BANP: variants seen among roughly 807,000 people sequenced by gnomAD.
BANP encodes the protein protein BANP.
Under a neutral mutation model 68.1 loss-of-function variants are expected in BANP, and 11 were observed. The observed-to-expected ratio is 0.16, with a 90% CI of 0.10 to 0.27. The LOEUF is 0.27. Ranked by LOEUF, BANP falls within the 10% of genes least tolerant of loss-of-function variation. The probability of loss-of-function intolerance (pLI) is 1.00; values close to 1 mark genes in which losing one functional copy is unlikely to be tolerated. For synonymous variants in BANP, 329 were observed against 303.2 expected, an observed-to-expected ratio of 1.09 and a Z score of -0.88; for missense variants, 504 against 722.7, an observed-to-expected ratio of 0.70 and a Z score of 3.47.
intron 6 of BANP, among the ~76,000 whole-genome samples, chr16:88,008,150 G>C (rs2071816964): frequency 6.6e-6 from 1 of 152,206 alleles, no homozygotes; most frequent in African/African-American, 2.4e-5. Context: ...CTTTTGCCCA[G>C]TGCTTTGTTC....
Position 88,064,824 on chromosome 16 carries a change from C to T in BANP, c.1312-443C>T, listed in dbSNP as rs1479846267. Among the ~76,000 whole-genome samples the T allele has an allele frequency of 6.6e-6, 1 of 152,220 alleles. No individual in the cohort carries two copies. Among genetic ancestry groups the T allele is most frequent in the Non-Finnish European group, 1.5e-5 (1 of 68,032 alleles). ...GGAGACAGCCAGGACCCCTCAGCTT[C>T]TGAGGGCCGTGGCCTTCAGGCTGTC... On this transcript the variant is annotated intron_variant, in intron 11 of 13. Coordinates refer to ENST00000682872, the MANE Select transcript of BANP (RefSeq NM_001386991.1). This position sits in a 1 kb window ranked among gnomAD's most constrained non-coding sequence, Gnocchi z 4.5.
chr16:88,045,515 C>G (rs1017115203), intron 11 of BANP, among the ~76,000 whole-genome samples: 16 of 152,354 alleles, frequency 1.1e-4, no homozygotes, highest in African/African-American at 3.8e-4. Context: ...CCTTTCTTCC[C>G]TGTGCAGCAC....
chr16:88,004,034 G>A lies in BANP; in HGVS notation c.363-261G>A, dbSNP rs2070217677. 2.3e-6 allele frequency: 1 copy of A among 427,564 alleles called. No homozygotes were observed. The highest frequency in any genetic ancestry group is 4.3e-6 in the Non-Finnish European group (1 of 229,948). The allele number at this position is 427,564 out of a possible 1,614,324, so 26.5% of individuals were successfully genotyped here. Reference sequence around the variant, plus strand: ...CAGCCCAGCTGTCCTGTGCTATCCAGTTGTGCAGACAGATCACCAACAATT... The same window carrying A: ...CAGCCCAGCTGTCCTGTGCTATCCAATTGTGCAGACAGATCACCAACAATT... On this transcript the variant is annotated intron_variant, in intron 4 of 13. Coordinates refer to ENST00000682872, the MANE Select transcript of BANP (RefSeq NM_001386991.1). This position sits in a 1 kb window ranked among gnomAD's most constrained non-coding sequence, Gnocchi z 7.0.
At position 87,984,140 on chromosome 16, in the gene BANP, T is replaced by G; in HGVS notation, c.243T>G (p.Thr81=). 1 of 1,611,882 alleles carries G rather than the reference T, an allele frequency of 6.2e-7. No individual in the cohort carries two copies. The highest frequency in any genetic ancestry group is 8.5e-7 in the Non-Finnish European group (1 of 1,178,750). Residue 81 remains threonine, a synonymous_variant, in exon 4 of 14, where the codon ACT becomes ACG. Transcript: ENST00000682872. ...CCAAATTGCAAGCCCTGGAGGCTAC[T>G]TGTAAATCCTTAGAAGAAAAGCTGG... ...IEAKLQALEA[T]CKSLEEKLDL... is the part of the protein sequence containing the mutation.
chr16:88,011,303 A>G (rs1254754667), intron 6 of BANP, among the ~76,000 whole-genome samples: 2 of 151,556 alleles, frequency 1.3e-5, no homozygotes, highest in African/African-American at 4.8e-5. Context: ...CCCCACCCTG[A>G]AAGACGCCCT....
intron 10 of BANP, among the ~76,000 whole-genome samples, chr16:88,035,814 C>T (rs1316094185): frequency 1.3e-5 from 2 of 152,226 alleles, no homozygotes; most frequent in African/African-American, 2.4e-5. Flanking sequence ...GTGGCCTCTA[C>T]GGGATTAGTG....
intron 8 of BANP, among the ~76,000 whole-genome samples, chr16:88,028,784 A>G (rs937486331): frequency 2.0e-5 from 3 of 152,222 alleles, no homozygotes; most frequent in Non-Finnish European, 4.4e-5. Context: ...GAATATTCAT[A>G]GCTAGGCAGC....
intron 11 of BANP, among the ~76,000 whole-genome samples, chr16:88,058,361 G>C (rs553287834): frequency 6.6e-6 from 1 of 152,208 alleles, no homozygotes; most frequent in Non-Finnish European, 1.5e-5. Flanking sequence ...GATGTCAGGC[G>C]CCTTCGTCGA....
chr16:88,011,739 C>G (rs1224146612), intron 6 of BANP, among the ~76,000 whole-genome samples: 1 of 152,176 alleles, frequency 6.6e-6, no homozygotes, highest in East Asian at 1.9e-4. Context: ...GTCACCCTAT[C>G]AGGAGCCCAC....
At chr16:88,012,896 A>G (rs2073545272) in intron 6 of BANP, among the ~76,000 whole-genome samples, 1 of 151,838 alleles carries the variant, frequency 6.6e-6, no homozygotes, top group South Asian at 2.1e-4. Context: ...TGACAGTACA[A>G]ATTCCAGGCT....
At chr16:87,952,536 T>A (rs951056542) in intron 1 of BANP, 4 of 152,328 alleles carry the variant, frequency 2.6e-5, no homozygotes, top group Admixed American at 2.6e-4. Flanking sequence ...GGGTTCACTT[T>A]TAGCTGGAAG....
chr16:88,065,081 T>C (rs2088134359), intron 11 of BANP, among the ~76,000 whole-genome samples, 186 bp from the exon 12 acceptor site: 1 of 152,180 alleles, frequency 6.6e-6, no homozygotes, highest in Non-Finnish European at 1.5e-5. Context: ...GGGAATTTGA[T>C]GTTTTAATAA....
intron 11 of BANP, among the ~76,000 whole-genome samples, chr16:88,061,175 G>A (rs1050057107): frequency 6.6e-6 from 1 of 152,220 alleles, no homozygotes; most frequent in East Asian, 1.9e-4. Flanking sequence ...AGAGCACTGT[G>A]GAGACTGCTG....
chr16:88,051,860 A>T (rs1421455605), intron 11 of BANP, among the ~76,000 whole-genome samples: 1 of 152,250 alleles, frequency 6.6e-6, no homozygotes, highest in Non-Finnish European at 1.5e-5. Context: ...AGATTTAAAA[A>T]ATCCAGATTT....
intron 6 of BANP, among the ~76,000 whole-genome samples, chr16:88,014,881 TCA>T (rs909115882): frequency 1.3e-5 from 2 of 152,058 alleles, no homozygotes; most frequent in African/African-American, 4.8e-5. Flanking sequence ...TAAATGAGCC[TCA>T]GTGCTGGGAA....
chr16:88,032,860 G>A (rs1275267410), intron 8 of BANP, among the ~76,000 whole-genome samples: 1 of 152,192 alleles, frequency 6.6e-6, no homozygotes, highest in African/African-American at 2.4e-5. Flanking sequence ...GACTAGAAGG[G>A]GTTTTGTCAT....
chr16:88,059,766 T>G (rs1295436652), intron 11 of BANP, among the ~76,000 whole-genome samples: 1 of 152,212 alleles, frequency 6.6e-6, no homozygotes, highest in Non-Finnish European at 1.5e-5. Flanking sequence ...CCAGCTGCAC[T>G]GTCGGACGCG....
chr16:88,077,035 G>T lies in BANP; in HGVS notation c.*374G>T, dbSNP rs535150161. On this transcript the variant is annotated 3_prime_UTR_variant, in exon 14 of 14. Transcript: ENST00000682872. ...TGAAAAAAAAAATCCCAGGGGAGTA[G>T]CAGGAGCCCTTTGCTGTGTGCTCTG... 8.7e-5 allele frequency: 18 copies of T among 207,706 alleles called. No homozygotes were observed. In the South Asian group the frequency reaches 1.1e-3, roughly 13 times the overall value. The allele number at this position is 207,706 out of a possible 1,614,324, so 12.9% of individuals were successfully genotyped here. A position where few individuals can be genotyped will look rare whatever the true frequency, so the allele number is the denominator to read the frequency against.
At chr16:88,051,256 A>G (rs1174210262) in intron 11 of BANP, among the ~76,000 whole-genome samples, 1 of 152,174 alleles carries the variant, frequency 6.6e-6, no homozygotes, top group Non-Finnish European at 1.5e-5. Flanking sequence ...CCCTTGAGGG[A>G]TGGGGCAAAA....
Sources: allele counts gnomAD v4.1 joint callset (sites outside exome capture counted in the v4.1 genomes callset), GRCh38; gene constraint gnomAD v4.1.1; non-coding constraint Gnocchi (gnomAD v3.1); transcripts MANE v1.5; gene names NCBI Gene and HGNC (gene_info 2026-07-23, HGNC 2026-07-21).